Variants in GIGYF2 observed in about 807,000 individuals in gnomAD.
GIGYF2 encodes GRB10-interacting GYF protein 2.
Under a neutral mutation model 208.1 loss-of-function variants are expected in GIGYF2, and 25 were observed. The observed-to-expected ratio is 0.12, with a 90% CI of 0.09 to 0.17. GIGYF2 has a LOEUF of 0.17. GIGYF2 is among the 10% of genes least tolerant of loss of function. The probability of loss-of-function intolerance (pLI) is 1.00; values close to 1 mark genes in which losing one functional copy is unlikely to be tolerated. For missense variants in GIGYF2, 1,302 were observed against 1,579.4 expected, an observed-to-expected ratio of 0.82 and a Z score of 2.98; for synonymous variants, 534 against 543.8, an observed-to-expected ratio of 0.98 and a Z score of 0.25.
chr2:232,837,589 G>A (rs1208380932), intron 22 of GIGYF2, among the ~76,000 whole-genome samples: 2 of 151,878 alleles, frequency 1.3e-5, no homozygotes, highest in Non-Finnish European at 2.9e-5. Context: ...CTAAGTAGCT[G>A]GATTAAAGGT....
intron 7 of GIGYF2, 168 bp downstream of exon 7, chr2:232,760,759 T>C (rs924551554): frequency 3.4e-6 from 2 of 590,004 alleles, no homozygotes; most frequent in South Asian, 2.0e-5. Flanking sequence ...ATGATTCTTA[T>C]TTAAAGGAAG....
At chr2:232,766,139 G>C (rs1272431663) in intron 8 of GIGYF2, among the ~76,000 whole-genome samples, 1 of 152,144 alleles carries the variant, frequency 6.6e-6, no homozygotes, top group Non-Finnish European at 1.5e-5. Flanking sequence ...ATAAGTGAAA[G>C]AAACAATGAA....
At chr2:232,701,840 A>G (rs999054071) in intron 1 of GIGYF2, among the ~76,000 whole-genome samples, 19 of 152,126 alleles carry the variant, frequency 1.2e-4, no homozygotes, top group African/African-American at 4.6e-4. Context: ...TAATTTTTTA[A>G]GGGCAGGAGG....
In GIGYF2 at chr2:232,806,602, T is replaced by A; in HGVS notation, c.1751T>A (p.Met584Lys). The change falls in exon 15 of 29, where the codon ATG becomes AAG. Residue 584 changes from methionine (M) to lysine (K), a missense_variant. Around this residue, in one of 8 missense-constraint regions of GIGYF2, gnomAD observed 69 missense variants for 132.8 expected, o/e 0.52. Coordinates refer to ENST00000373563, the MANE Select transcript of GIGYF2 (RefSeq NM_001103146.3). This position sits in a 1 kb window ranked among gnomAD's most constrained non-coding sequence, Gnocchi z 4.0. ...AGCTTCCAACCTCTTGGCGATATCA[T>A]GAAAATGTGGGGAAGGGTTCCCTTT... ...DESFQPLGDI[M>K]KMWGRVPFSP... 1 of 1,613,440 alleles carries A rather than the reference T, an allele frequency of 6.2e-7. No homozygotes were observed. The highest frequency in any genetic ancestry group is 2.2e-5 in the East Asian group (1 of 44,884).
At chr2:232,825,635 G>A (rs565532078) in intron 21 of GIGYF2, among the ~76,000 whole-genome samples, 7 of 152,148 alleles carry the variant, frequency 4.6e-5, no homozygotes, top group East Asian at 3.9e-4. Context: ...AAGATGTCGC[G>A]AACATTGTTG....
intron 2 of GIGYF2, among the ~76,000 whole-genome samples, chr2:232,728,460 A>G (rs1697307545): frequency 6.6e-6 from 1 of 152,216 alleles, no homozygotes; most frequent in African/African-American, 2.4e-5. Flanking sequence ...GAAGTAGGCT[A>G]AATTTGAGAC....
intron 8 of GIGYF2, 78 bp downstream of exon 8, chr2:232,761,514 G>T: frequency 1.2e-6 from 1 of 820,258 alleles, no homozygotes; most frequent in Non-Finnish European, 2.1e-6. Flanking sequence ...CAGTAGATGG[G>T]GCTGCAGCAT....
At chr2:232,736,062 G>A in intron 3 of GIGYF2, 1 of 975,206 alleles carries the variant, frequency 1.0e-6, no homozygotes, top group African/African-American at 1.8e-5. Flanking sequence ...TATTTGAGGA[G>A]TCTTATTAAC....
At chr2:232,720,894 C>T (rs957238897) in intron 2 of GIGYF2, among the ~76,000 whole-genome samples, 2 of 152,130 alleles carry the variant, frequency 1.3e-5, no homozygotes, top group Non-Finnish European at 2.9e-5. Flanking sequence ...CGTGCCCTGC[C>T]TCTCTCAGCT....
intron 28 of GIGYF2, among the ~76,000 whole-genome samples, chr2:232,855,001 A>G (rs1421991488): frequency 1.3e-5 from 2 of 151,906 alleles, no homozygotes; most frequent in African/African-American, 4.8e-5. Flanking sequence ...TCAACCTCCA[A>G]TTATAGAAGT....
intron 2 of GIGYF2, among the ~76,000 whole-genome samples, chr2:232,704,856 A>AGTTT (rs1696014045): frequency 2.0e-5 from 2 of 101,958 alleles, no homozygotes; most frequent in East Asian, 3.2e-4. Flanking sequence ...TAACTTCTGG[A>AGTTT]TTTTTTTTTT....
intron 8 of GIGYF2, among the ~76,000 whole-genome samples, chr2:232,771,608 A>G (rs573909432): frequency 3.3e-5 from 5 of 152,324 alleles, no homozygotes; most frequent in African/African-American, 1.2e-4. Flanking sequence ...AATGACAGTT[A>G]AAACATTGTT....
intron 21 of GIGYF2, among the ~76,000 whole-genome samples, chr2:232,823,330 G>A (rs1701152339): frequency 6.7e-6 from 1 of 150,218 alleles, no homozygotes; most frequent in Admixed American, 6.6e-5. Flanking sequence ...GGAGAGATAG[G>A]TCTACAATTT....
chr2:232,832,822 A>G, intron 21 of GIGYF2, 35 bp from the exon 22 acceptor site: 1 of 1,476,030 alleles, frequency 6.8e-7, no homozygotes, highest in African/African-American at 1.4e-5. Flanking sequence ...ACAATTAATA[A>G]AATTTTTATA....
chr2:232,778,305 A>G (rs1699598304), intron 8 of GIGYF2, among the ~76,000 whole-genome samples: 1 of 152,212 alleles, frequency 6.6e-6, no homozygotes, highest in Non-Finnish European at 1.5e-5. Flanking sequence ...TTTCCATAGT[A>G]TACTTGGTTT....
At chr2:232,757,510 T>C (rs74657012) in intron 6 of GIGYF2, among the ~76,000 whole-genome samples, 3,177 of 152,078 alleles carry the variant, frequency 0.021, 119 homozygotes, top group African/African-American at 0.072. Context: ...TTAGGTTCCA[T>C]TGGTCCAGAA....
chr2:232,857,544 G>A lies in GIGYF2; in HGVS notation c.*684G>A, dbSNP rs914918409. 1 of 153,458 alleles carries A rather than the reference G, an allele frequency of 6.5e-6. No individual in the cohort carries two copies. Among genetic ancestry groups the A allele is most frequent in the African/African-American group, 2.4e-5 (1 of 41,438 alleles). The allele number at this position is 153,458 out of a possible 1,614,324, so 9.5% of individuals were successfully genotyped here. A position where few individuals can be genotyped will look rare whatever the true frequency, so the allele number is the denominator to read the frequency against. On this transcript the variant is annotated 3_prime_UTR_variant, in exon 29 of 29. Coordinates refer to ENST00000373563, the MANE Select transcript of GIGYF2 (RefSeq NM_001103146.3). Reference sequence around the variant, plus strand: ...GATTTATGTTTTTCTTCGTTAGATAGTGACTTCTGAGCAAGCTGATCTCCC... The same window carrying A: ...GATTTATGTTTTTCTTCGTTAGATAATGACTTCTGAGCAAGCTGATCTCCC...
At chr2:232,789,255 G>T (rs1164738178) in intron 9 of GIGYF2, among the ~76,000 whole-genome samples, 1 of 152,126 alleles carries the variant, frequency 6.6e-6, no homozygotes, top group Non-Finnish European at 1.5e-5. Flanking sequence ...CCGGCTGGAT[G>T]TGCGTGGGGG....
At chr2:232,730,855 G>A (rs1280858942) in intron 2 of GIGYF2, among the ~76,000 whole-genome samples, 2 of 119,172 alleles carry the variant, frequency 1.7e-5, no homozygotes, top group Admixed American at 1.1e-4. Flanking sequence ...CCGAGATCCC[G>A]CCACTGCACT....
Sources: gnomAD v4.1 joint callset for allele counts (sites outside exome capture counted in the v4.1 genomes callset) on GRCh38, gnomAD v4.1.1 for gene constraint, gnomAD v4.1.1 regional missense constraint, Gnocchi (gnomAD v3.1) non-coding constraint, MANE v1.5 for transcripts, NCBI Gene and HGNC (gene_info 2026-07-23, HGNC 2026-07-21) for gene names.